Variants in RNF180 observed in about 807,000 individuals in gnomAD.
RNF180 encodes ring finger protein 180, also known as E3 ubiquitin-protein ligase RNF180.
In RNF180, 38 loss-of-function variants were observed where a neutral mutation model predicts 59.2. The observed-to-expected ratio is 0.64, with a 90% CI of 0.50 to 0.84. The LOEUF is 0.84. RNF180 is among the 40% of genes least tolerant of loss of function. The pLI, the probability that RNF180 is intolerant of heterozygous loss-of-function variation, is 0.00. For missense variants in RNF180, 705 were observed against 700.9 expected (o/e 1.01, Z -0.07); for synonymous variants, 262 against 240.3 (o/e 1.09, Z -0.84).
rs1415195637 is a variant in RNF180 at position 64,195,164 on chromosome 5, A to G, written c.1-5644A>G. Among the ~76,000 whole-genome samples the G allele has an allele frequency of 1.3e-5, 2 of 152,158 alleles. 1 individual carries two copies. Among genetic ancestry groups the G allele is most frequent in the East Asian group, 3.8e-4 (2 of 5,198 alleles). On this transcript the variant is annotated intron_variant, in intron 1 of 7. Transcript: ENST00000389100. ...CAAATAAGGAAAACTGTATAGGAAA[A>G]TGTTTTCCATGATCTTATCCTCACC...
chr5:64,223,535 A>G (rs192479348), intron 5 of RNF180, among the ~76,000 whole-genome samples: 8 of 133,554 alleles, frequency 6.0e-5, no homozygotes, highest in Admixed American at 3.7e-4. Context: ...TCCCTATTTT[A>G]TAGATGGAGA....
chr5:64,188,458 A>T (rs894951472), intron 1 of RNF180, among the ~76,000 whole-genome samples: 1 of 151,594 alleles, frequency 6.6e-6, no homozygotes, highest in Non-Finnish European at 1.5e-5. Context: ...TGGATAGTTT[A>T]AAAAAAATTT....
chr5:64,337,954 T>G (rs1007826614), intron 7 of RNF180, among the ~76,000 whole-genome samples: 1 of 152,180 alleles, frequency 6.6e-6, no homozygotes, highest in Non-Finnish European at 1.5e-5. Context: ...TGAATAGTGC[T>G]GCAATAAACA....
At position 64,218,590 on chromosome 5, in the gene RNF180, GTTTATA is replaced by G. The variant is rs561050053; in HGVS notation, c.1227+1201_1227+1206del. On this transcript the variant is annotated intron_variant, in intron 5 of 7. Transcript: ENST00000389100. ...TCCATATAAAACTTAAAATCAGTCT[GTTTATA>G]TTTATAAAACATCATGTTGGGATTT... Among the ~76,000 whole-genome samples, 228 of 152,164 alleles carry G rather than the reference GTTTATA, an allele frequency of 1.5e-3. 1 individual carries two copies. The highest frequency in any genetic ancestry group is 5.2e-3 in the African/African-American group (216 of 41,520).
chr5:64,291,109 T>G (rs572545449), intron 5 of RNF180, among the ~76,000 whole-genome samples: 2 of 152,308 alleles, frequency 1.3e-5, no homozygotes, highest in South Asian at 4.1e-4. Flanking sequence ...TGGCCAGATA[T>G]GGAATTCTAG....
intron 1 of RNF180, among the ~76,000 whole-genome samples, chr5:64,198,639 A>T (rs1399175240): frequency 6.6e-6 from 1 of 152,100 alleles, no homozygotes; most frequent in Non-Finnish European, 1.5e-5. Context: ...TCCATACTTG[A>T]TTCTGGTATG....
rs567432982 is a variant in RNF180 at position 64,262,871 on chromosome 5, A to G, written c.1227+45475A>G. Among the ~76,000 whole-genome samples, 9 of 152,272 alleles carry G rather than the reference A, an allele frequency of 5.9e-5. No individual in the cohort carries two copies. The South Asian group carries it at 1.9e-3, about 32-fold the overall frequency. ...CGTTCTCCAAAGGAATATTTGTGGT[A>G]TACTGACAGTGATGTCTCTGCCTAA... On this transcript the variant is annotated intron_variant, in intron 5 of 7. Coordinates refer to ENST00000389100, the MANE Select transcript of RNF180 (RefSeq NM_001113561.2).
At chr5:64,329,913 A>T (rs1390011995) in intron 6 of RNF180, among the ~76,000 whole-genome samples, 2 of 152,182 alleles carry the variant, frequency 1.3e-5, no homozygotes, top group South Asian at 4.1e-4. Context: ...CCCAGTTCCT[A>T]ACAGGCCATG....
intron 5 of RNF180, among the ~76,000 whole-genome samples, chr5:64,223,051 A>G (rs1229885162): frequency 2.0e-5 from 3 of 152,226 alleles, no homozygotes; most frequent in African/African-American, 7.2e-5. Context: ...ATCATCTTAT[A>G]GTTCTGAAGG....
At chr5:64,326,802 CAG>C (rs1200496352) in intron 6 of RNF180, among the ~76,000 whole-genome samples, 1 of 152,016 alleles carries the variant, frequency 6.6e-6, no homozygotes, top group East Asian at 1.9e-4. Flanking sequence ...GTTTTGGTAT[CAG>C]AGTTATGTTG....
At chr5:64,297,684 A>G (rs559272346) in intron 5 of RNF180, among the ~76,000 whole-genome samples, 1 of 152,208 alleles carries the variant, frequency 6.6e-6, no homozygotes, top group South Asian at 2.1e-4. Flanking sequence ...AGCAATAAAA[A>G]AAGTTTCCAG....
At chr5:64,351,740 C>T (rs906909171) in intron 7 of RNF180, among the ~76,000 whole-genome samples, 1 of 151,628 alleles carries the variant, frequency 6.6e-6, no homozygotes, top group African/African-American at 2.4e-5. Flanking sequence ...AGCCTTGCAT[C>T]CCAGGGATGA....
rs551623191 is a variant in RNF180 at position 64,170,066 on chromosome 5, C to T, written c.-1+4113C>T. ...TTAGCCCACATTGACCCTTCATCCT[C>T]TACCTGTCAAGGCATGAGGTTGCCT... On this transcript the variant is annotated intron_variant, in intron 1 of 7. Coordinates refer to ENST00000389100, the MANE Select transcript of RNF180 (RefSeq NM_001113561.2). Among the ~76,000 whole-genome samples the T allele has an allele frequency of 5.3e-5, 8 of 152,338 alleles. No individual in the cohort carries two copies. In the South Asian group the frequency reaches 1.4e-3, roughly 28 times the overall value.
In RNF180 at chr5:64,370,310, G is replaced by A. The variant is rs1162038712; in HGVS notation, c.*496G>A. 6.6e-6 allele frequency: 1 copy of A among 151,840 alleles called. No individual in the cohort carries two copies. The highest frequency in any genetic ancestry group is 1.9e-4 in the East Asian group (1 of 5,140). The allele number at this position is 151,840 out of a possible 1,614,324, so 9.4% of individuals were successfully genotyped here. A position where few individuals can be genotyped will look rare whatever the true frequency, so the allele number is the denominator to read the frequency against. ...GTATATTCAGTTTTGGTTTCTAATT[G>A]TCACTACTTATATCCCTTTCTAGTA... On this transcript the variant is annotated 3_prime_UTR_variant, in exon 8 of 8. Coordinates refer to ENST00000389100, the MANE Select transcript of RNF180 (RefSeq NM_001113561.2).
At chr5:64,294,297 A>G (rs1742766724) in intron 5 of RNF180, among the ~76,000 whole-genome samples, 1 of 152,240 alleles carries the variant, frequency 6.6e-6, no homozygotes, top group Non-Finnish European at 1.5e-5. Context: ...CCCATTCTCC[A>G]TGATGTGCAT....
chr5:64,264,179 C>A (rs1050164730), intron 5 of RNF180, among the ~76,000 whole-genome samples: 15 of 152,046 alleles, frequency 9.9e-5, no homozygotes, highest in Non-Finnish European at 1.6e-4. Context: ...TGTTCTTTGG[C>A]AAATGAATGT....
At chr5:64,319,490 T>C (rs186972988) in intron 5 of RNF180, among the ~76,000 whole-genome samples, 10 of 152,324 alleles carry the variant, frequency 6.6e-5, no homozygotes, top group Admixed American at 2.0e-4. Context: ...ATGTTAACAA[T>C]TGATGAACCT....
At chr5:64,355,265 G>A (rs1015436291) in intron 7 of RNF180, among the ~76,000 whole-genome samples, 3 of 151,832 alleles carry the variant, frequency 2.0e-5, no homozygotes, top group African/African-American at 4.8e-5. Context: ...AGTTGTTTCT[G>A]TACACTAGGA....
intron 5 of RNF180, among the ~76,000 whole-genome samples, chr5:64,236,664 C>T (rs1371958945): frequency 6.6e-6 from 1 of 152,110 alleles, no homozygotes; most frequent in Non-Finnish European, 1.5e-5. Context: ...GGCAGCCCCT[C>T]CCATCACAGG....
Sources: allele counts gnomAD v4.1 joint callset (sites outside exome capture counted in the v4.1 genomes callset), GRCh38; gene constraint gnomAD v4.1.1; transcripts MANE v1.5; gene names NCBI Gene and HGNC (gene_info 2026-07-23, HGNC 2026-07-21).